Variants in GLI2 observed in about 807,000 individuals in gnomAD.
GLI2 encodes transcription activator GLI2.
A neutral mutation model predicts 78.9 loss-of-function variants in GLI2; 22 were observed. That is an observed-to-expected ratio of 0.28 (90% CI 0.20 to 0.40). GLI2 has a LOEUF of 0.40. Ranked by LOEUF, GLI2 falls within the 10% of genes least tolerant of loss-of-function variation. GLI2 has a pLI of 1.00. For missense variants in GLI2, 2,097 were observed against 2,213.2 expected (o/e 0.95, Z 1.05); for synonymous variants, 974 against 963.7 (o/e 1.01, Z -0.20).
chr2:120,769,501 A>C (rs543024930), intron 1 of GLI2, among the ~76,000 whole-genome samples: 1 of 152,276 alleles, frequency 6.6e-6, no homozygotes, highest in Non-Finnish European at 1.5e-5. Flanking sequence ...GACCTGGCCC[A>C]GCGCTCCCAG....
At chr2:120,858,975 G>A (rs1320866034) in intron 2 of GLI2, among the ~76,000 whole-genome samples, 2 of 152,220 alleles carry the variant, frequency 1.3e-5, no homozygotes, top group Non-Finnish European at 2.9e-5. Flanking sequence ...TTCTTGCCCT[G>A]GCTGTGCCTC....
chr2:120,812,136 T>C (rs543908376), intron 2 of GLI2, among the ~76,000 whole-genome samples: 2 of 152,332 alleles, frequency 1.3e-5, no homozygotes, highest in Non-Finnish European at 2.9e-5. Flanking sequence ...ACTGTCTCTC[T>C]CAAATGTGCT....
In GLI2 at chr2:120,955,468, C is replaced by G. The variant is rs760238167; in HGVS notation, c.643+38C>G. The G allele has an allele frequency of 4.7e-6, 6 of 1,286,460 alleles. No individual in the cohort carries two copies. In the South Asian group the frequency reaches 6.8e-5, roughly 15 times the overall value. 79.7% of individuals were successfully genotyped at this position (1,286,460 alleles called of 1,614,324 possible). On this transcript the variant is annotated intron_variant, in intron 5 of 13. Transcript: ENST00000361492. ...CCCCAGGGGCTGAGGATGGGGCTAG[C>G]AGATCTCCTCTTGAGGCTGAGAAGG...
intron 2 of GLI2, among the ~76,000 whole-genome samples, chr2:120,804,034 C>T (rs544534873): frequency 6.6e-6 from 1 of 152,120 alleles, no homozygotes; most frequent in South Asian, 2.1e-4. Context: ...ATACTGACAG[C>T]CCTCCTATCT....
chr2:120,835,517 C>T (rs1056193458), intron 2 of GLI2, among the ~76,000 whole-genome samples: 1 of 151,816 alleles, frequency 6.6e-6, no homozygotes, highest in African/African-American at 2.4e-5. Context: ...TCCTGAGTAG[C>T]TAGGATTATA....
chr2:120,759,849 C>T (rs1013428617), intron 1 of GLI2, among the ~76,000 whole-genome samples: 1 of 152,198 alleles, frequency 6.6e-6, no homozygotes, highest in East Asian at 1.9e-4. Context: ...TACCTAGTTA[C>T]AGTCAACTCA....
At chr2:120,918,628 A>G (rs1400572058) in intron 2 of GLI2, among the ~76,000 whole-genome samples, 1 of 151,970 alleles carries the variant, frequency 6.6e-6, no homozygotes, top group Non-Finnish European at 1.5e-5. Context: ...TTTAGTAGAG[A>G]TGGGGTTTCG....
rs751570899 is a variant in GLI2, at chr2:120,927,437, C to T, written c.225C>T (p.Tyr75=). The T allele has an allele frequency of 1.3e-5, 21 of 1,613,400 alleles. No homozygotes were observed. Among genetic ancestry groups the T allele is most frequent in the Admixed American group, 3.3e-5 (2 of 60,004 alleles). Residue 75 remains tyrosine (Y), a synonymous_variant, in exon 3 of 14, where the codon TAC becomes TAT. Transcript: ENST00000361492. ...GACACCAGGAAGGAAGGTACCATTA[C>T]GAGCCTCATTCTGTCCACGGTGTGC... ...DMRHQEGRYH[Y]EPHSVHGVHG...
chr2:120,852,737 G>A (rs1024765495), intron 2 of GLI2, among the ~76,000 whole-genome samples: 6 of 152,186 alleles, frequency 3.9e-5, no homozygotes, highest in African/African-American at 1.4e-4. Flanking sequence ...ACATCCCAGT[G>A]AGGAGGTGAT....
chr2:120,945,123 C>T (rs547107931), intron 3 of GLI2, among the ~76,000 whole-genome samples: 3 of 152,208 alleles, frequency 2.0e-5, no homozygotes, highest in Non-Finnish European at 4.4e-5. Context: ...CCTTTCCTGG[C>T]ACTGCCTGCA....
At chr2:120,984,213 T>A (rs867270642) in intron 11 of GLI2, among the ~76,000 whole-genome samples, 1 of 152,138 alleles carries the variant, frequency 6.6e-6, no homozygotes, top group African/African-American at 2.4e-5. Flanking sequence ...GGCACATGTG[T>A]CCCCAGCTTC....
intron 1 of GLI2, among the ~76,000 whole-genome samples, chr2:120,791,832 C>T (rs562350534): frequency 1.3e-5 from 2 of 152,088 alleles, no homozygotes; most frequent in East Asian, 3.9e-4. Context: ...GCGGTGTGCA[C>T]GTGTGTGTGT....
chr2:120,962,458 T>C (rs530575748), intron 5 of GLI2, among the ~76,000 whole-genome samples: 5 of 152,184 alleles, frequency 3.3e-5, no homozygotes, highest in Non-Finnish European at 5.9e-5. Flanking sequence ...CTCTCAGCAC[T>C]ACACGAGGGG....
chr2:120,821,000 G>A (rs137934684), intron 2 of GLI2, among the ~76,000 whole-genome samples: 1 of 152,118 alleles, frequency 6.6e-6, no homozygotes, highest in Admixed American at 6.5e-5. Context: ...CCTCCCGGTG[G>A]TTTCAGATGC....
intron 2 of GLI2, among the ~76,000 whole-genome samples, chr2:120,806,696 G>T (rs1431145374): frequency 6.6e-6 from 1 of 152,232 alleles, no homozygotes; most frequent in African/African-American, 2.4e-5. Context: ...CTGGCACCCA[G>T]GTGGGTGCAT....
intron 1 of GLI2, among the ~76,000 whole-genome samples, chr2:120,753,141 C>A (rs1284840411): frequency 2.3e-5 from 3 of 127,864 alleles, no homozygotes; most frequent in East Asian, 4.7e-4. Flanking sequence ...GTTGCCCAGT[C>A]TGGAGGGTGC....
At chr2:120,792,101 C>G (rs992130065) in intron 1 of GLI2, among the ~76,000 whole-genome samples, 9 of 152,212 alleles carry the variant, frequency 5.9e-5, no homozygotes, top group Non-Finnish European at 1.3e-4. Flanking sequence ...GAACAATGCT[C>G]TAATTCCTGT....
At chr2:120,950,157 C>T (rs905343533) in intron 3 of GLI2, among the ~76,000 whole-genome samples, 1 of 152,224 alleles carries the variant, frequency 6.6e-6, no homozygotes, top group African/African-American at 2.4e-5. Flanking sequence ...ATTATGATCC[C>T]CATTCCACAG....
Position 120,823,086 on chromosome 2 carries a change from C to T in GLI2, c.148+25618C>T, listed in dbSNP as rs551082259. The stretch of plus-strand genomic sequence containing the variant: ...ACCTGCTCCCACCCCCTGCACCCCC[C>T]GCCACCCGGCTGTGTGTTTCCCAGG... On this transcript the variant is annotated intron_variant, in intron 2 of 13. Coordinates refer to ENST00000361492, the MANE Select transcript of GLI2 (RefSeq NM_001374353.1). 1.9e-3 allele frequency among the ~76,000 whole-genome samples: 284 copies of T among 148,552 alleles called. 2 individuals carry two copies. Among genetic ancestry groups the T allele is most frequent in the African/African-American group, 6.6e-3 (264 of 40,286 alleles).
Sources: allele counts gnomAD v4.1 joint callset (sites outside exome capture counted in the v4.1 genomes callset), GRCh38; gene constraint gnomAD v4.1.1; transcripts MANE v1.5; gene names NCBI Gene and HGNC (gene_info 2026-07-23, HGNC 2026-07-21).